The following CDH13 variants were observed in gnomAD, a reference collection of about 807,000 sequenced individuals.
CDH13 encodes the protein cadherin-13.
A neutral mutation model predicts 63.8 loss-of-function variants in CDH13; 24 were observed. The observed-to-expected ratio is 0.38, with a 90% CI of 0.27 to 0.53. The LOEUF is 0.53. Ranked by LOEUF, CDH13 falls within the 20% of genes least tolerant of loss-of-function variation. The pLI is 0.85. For missense variants in CDH13, 1,049 were observed against 903.1 expected (o/e 1.16, Z -2.07); for synonymous variants, 503 against 355.3 (o/e 1.42, Z -4.67).
At chr16:82,799,609 A>C (rs948846170) in intron 1 of CDH13, among the ~76,000 whole-genome samples, 2 of 152,324 alleles carry the variant, frequency 1.3e-5, no homozygotes, top group East Asian at 3.9e-4. Context: ...ATTTAGACCC[A>C]TTTATTTCCA....
At chr16:83,339,283 G>A (rs147358375) in intron 5 of CDH13, among the ~76,000 whole-genome samples, 4 of 152,262 alleles carry the variant, frequency 2.6e-5, no homozygotes, top group Non-Finnish European at 4.4e-5. Context: ...ACAATATTTA[G>A]AGCAAAATGA....
intron 5 of CDH13, among the ~76,000 whole-genome samples, chr16:83,317,333 A>C (rs2151891337): frequency 6.6e-6 from 1 of 152,280 alleles, no homozygotes; most frequent in Non-Finnish European, 1.5e-5. Flanking sequence ...CTTGAATGTG[A>C]TACAAGCAAA....
chr16:83,599,677 G>C (rs1907596024), intron 7 of CDH13, among the ~76,000 whole-genome samples: 1 of 152,032 alleles, frequency 6.6e-6, no homozygotes, highest in South Asian at 2.1e-4. Flanking sequence ...TATATTGTAG[G>C]CAACCCTTAA....
intron 5 of CDH13, among the ~76,000 whole-genome samples, chr16:83,310,828 C>G (rs1187111566): frequency 6.6e-6 from 1 of 152,186 alleles, no homozygotes; most frequent in African/African-American, 2.4e-5. Flanking sequence ...TTGCTTCTGC[C>G]TGCAAAAGGA....
At chr16:83,433,305 G>T (rs2072182919) in intron 6 of CDH13, among the ~76,000 whole-genome samples, 1 of 152,204 alleles carries the variant, frequency 6.6e-6, no homozygotes, top group Non-Finnish European at 1.5e-5. Flanking sequence ...TAAAATGAGG[G>T]AAATAAGAGT....
At chr16:82,784,461 A>T (rs2035909373) in intron 1 of CDH13, among the ~76,000 whole-genome samples, 1 of 152,156 alleles carries the variant, frequency 6.6e-6, no homozygotes, top group African/African-American at 2.4e-5. Flanking sequence ...GCTCTCCCCC[A>T]CACCCTGCTT....
chr16:82,673,469 C>G (rs555953579), intron 1 of CDH13, among the ~76,000 whole-genome samples: 70 of 152,284 alleles, frequency 4.6e-4, no homozygotes, highest in African/African-American at 1.6e-3. Context: ...TGAGCACTGA[C>G]TGTGGCACTT....
intron 6 of CDH13, among the ~76,000 whole-genome samples, chr16:83,409,194 C>T (rs563150518): frequency 1.4e-4 from 21 of 151,950 alleles, no homozygotes; most frequent in African/African-American, 3.9e-4. Flanking sequence ...ATCGTCCCAC[C>T]AGGAAACAAT....
At chr16:83,228,423 C>T (rs1291114056) in intron 5 of CDH13, among the ~76,000 whole-genome samples, 2 of 152,198 alleles carry the variant, frequency 1.3e-5, no homozygotes, top group Admixed American at 6.5e-5. Flanking sequence ...CTGTCTTCAT[C>T]TCTGGGGCAC....
chr16:82,918,578 C>T (rs1223404038), intron 2 of CDH13, among the ~76,000 whole-genome samples: 3 of 150,532 alleles, frequency 2.0e-5, no homozygotes, highest in African/African-American at 4.9e-5. Flanking sequence ...GCACTATCTC[C>T]GATCCCTGGA....
intron 5 of CDH13, among the ~76,000 whole-genome samples, chr16:83,222,418 C>A (rs185231004): frequency 6.6e-6 from 1 of 152,136 alleles, no homozygotes; most frequent in South Asian, 2.1e-4. Flanking sequence ...AAGCTGCTGC[C>A]GTCATGCGGA....
At chr16:83,334,076 G>A (rs13333899) in intron 5 of CDH13, among the ~76,000 whole-genome samples, 1 of 151,776 alleles carries the variant, frequency 6.6e-6, no homozygotes, top group Non-Finnish European at 1.5e-5. Flanking sequence ...TAAAGGCCAC[G>A]CACATTCCTG....
At chr16:83,457,885 C>G (rs2073066641) in intron 6 of CDH13, among the ~76,000 whole-genome samples, 1 of 152,186 alleles carries the variant, frequency 6.6e-6, no homozygotes, top group Non-Finnish European at 1.5e-5. Flanking sequence ...TTTGCATTTT[C>G]AAAAGCTCCC....
intron 2 of CDH13, among the ~76,000 whole-genome samples, chr16:83,024,238 G>A (rs1026771179): frequency 2.0e-5 from 3 of 152,050 alleles, no homozygotes; most frequent in African/African-American, 7.3e-5. Context: ...TGGATACAAG[G>A]ACACACTTAC....
chr16:83,208,728 A>C (rs898551590), intron 4 of CDH13, among the ~76,000 whole-genome samples: 3 of 152,166 alleles, frequency 2.0e-5, no homozygotes, highest in Non-Finnish European at 4.4e-5. Flanking sequence ...ATTATTTCCT[A>C]GTTTTGCACC....
In CDH13 at chr16:83,716,408, G is replaced by C. The variant is rs554877687; in HGVS notation, c.1539-31700G>C. On this transcript the variant is annotated intron_variant, in intron 10 of 13. Coordinates refer to ENST00000567109, the MANE Select transcript of CDH13 (RefSeq NM_001257.5). ...GTAGTTTCAGAACTCTAAATATCCC[G>C]TGTGCTCCACCCGTACATCCCTCCT... is the stretch of plus-strand genomic sequence containing the variant. 2.5e-3 allele frequency among the ~76,000 whole-genome samples: 377 copies of C among 152,202 alleles called. 2 individuals are homozygous for C. Among genetic ancestry groups the C allele is most frequent in the African/African-American group, 8.9e-3 (369 of 41,534 alleles).
At chr16:83,738,881 TG>T in intron 10 of CDH13, among the ~76,000 whole-genome samples, 1 of 152,252 alleles carries the variant, frequency 6.6e-6, no homozygotes, top group African/African-American at 2.4e-5. Flanking sequence ...ACTCCAGCCT[TG>T]GCAACAAAGG....
At chr16:83,601,069 A>T (rs973517278) in intron 7 of CDH13, among the ~76,000 whole-genome samples, 1 of 152,162 alleles carries the variant, frequency 6.6e-6, no homozygotes. Flanking sequence ...ACTTAACATT[A>T]TATCACTGGA....
At chr16:83,101,126 T>C (rs1429604041) in intron 3 of CDH13, among the ~76,000 whole-genome samples, 2 of 151,956 alleles carry the variant, frequency 1.3e-5, no homozygotes, top group Non-Finnish European at 2.9e-5. Flanking sequence ...CTGACAAAAA[T>C]CCCTGCATTT....
Sources: gnomAD v4.1 joint callset for allele counts (sites outside exome capture counted in the v4.1 genomes callset) on GRCh38, gnomAD v4.1.1 for gene constraint, MANE v1.5 for transcripts, NCBI Gene and HGNC (gene_info 2026-07-23, HGNC 2026-07-21) for gene names.